MS4A12: variants seen among roughly 807,000 people sequenced by gnomAD.
The protein encoded by MS4A12 is membrane-spanning 4-domains subfamily A member 12.
MS4A12 carries 28 observed loss-of-function variants against 23.7 expected under a neutral mutation model. The observed-to-expected ratio is 1.18, with a 90% CI of 0.88 to 1.62. The LOEUF (loss-of-function observed/expected upper bound fraction) is 1.62. Ranked by LOEUF, MS4A12 falls within the 40% of genes most tolerant of loss-of-function variation. The pLI is 0.00. For synonymous variants in MS4A12, 108 were observed against 110.1 expected, an observed-to-expected ratio of 0.98 and a Z score of 0.12; for missense variants, 342 against 327.0, an observed-to-expected ratio of 1.05 and a Z score of -0.35.
intron 1 of MS4A12, among the ~76,000 whole-genome samples, chr11:60,495,345 T>G (rs539204142): frequency 2.0e-5 from 3 of 151,510 alleles, no homozygotes; most frequent in Middle Eastern, 6.8e-3. Context: ...CCCTTTTCAT[T>G]GAGTTTTCAA....
At chr11:60,502,186 T>C in intron 4 of MS4A12, 147 bp downstream of exon 4, 1 of 762,408 alleles carries the variant, frequency 1.3e-6, no homozygotes, top group Non-Finnish European at 2.2e-6. Flanking sequence ...GTCTGAGCGC[T>C]GGGGTGAGAA....
intron 1 of MS4A12, among the ~76,000 whole-genome samples, chr11:60,496,565 G>A (rs1027669532): frequency 2.0e-5 from 3 of 152,106 alleles, no homozygotes; most frequent in African/African-American, 7.2e-5. Flanking sequence ...CCAATTACTG[G>A]CAAACAATTT....
chr11:60,501,432 C>G (rs747877634), intron 3 of MS4A12, among the ~76,000 whole-genome samples: 16 of 152,134 alleles, frequency 1.1e-4, no homozygotes, highest in East Asian at 1.9e-4. Context: ...TTATTCCATT[C>G]TTTAAAATTT....
Position 60,502,052 on chromosome 11 carries a change from G to A in MS4A12, c.471+13G>A. The A allele has an allele frequency of 6.2e-7, 1 of 1,602,320 alleles. No individual in the cohort carries two copies. The highest frequency in any genetic ancestry group is 8.6e-7 in the Non-Finnish European group (1 of 1,169,580). On this transcript the variant is annotated intron_variant, in intron 4 of 6. Transcript: ENST00000016913. Reference sequence around the variant, plus strand: ...TTCCCGTTGTCTGGTAAGTTAGACTGTCTCTACTTTTTGAACCCCTTTAAA... The same window carrying A: ...TTCCCGTTGTCTGGTAAGTTAGACTATCTCTACTTTTTGAACCCCTTTAAA...
intron 1 of MS4A12, among the ~76,000 whole-genome samples, chr11:60,495,230 C>T (rs2086479545): frequency 6.6e-6 from 1 of 151,628 alleles, no homozygotes; most frequent in African/African-American, 2.4e-5. Context: ...TCTCGATCTC[C>T]TGACCTCGGG....
At chr11:60,498,606 C>CG (rs1282715642) in intron 2 of MS4A12, among the ~76,000 whole-genome samples, 4 of 152,122 alleles carry the variant, frequency 2.6e-5, no homozygotes, top group African/African-American at 9.7e-5. Flanking sequence ...ACAGAACTTA[C>CG]GCCCTAGAGG....
At chr11:60,504,064 A>G (rs1180465646) in intron 5 of MS4A12, among the ~76,000 whole-genome samples, 2 of 152,168 alleles carry the variant, frequency 1.3e-5, no homozygotes, top group African/African-American at 2.4e-5. Context: ...AACAATGGGG[A>G]AGGGTTTGGA....
At position 60,501,050 on chromosome 11, in the gene MS4A12, C is replaced by G. The variant is rs781773125; in HGVS notation, c.282C>G (p.Ile94Met). Residue 94 changes from isoleucine to methionine, a missense_variant, in exon 3 of 7, where the codon ATC becomes ATG. Coordinates refer to ENST00000016913, the MANE Select transcript of MS4A12 (RefSeq NM_017716.3). The part of the protein sequence containing the change: ...FKEEAKALGV[I>M]QIMVGLMHIG... The stretch of plus-strand genomic sequence containing the variant: ...TGGCTGTTTTCTTTTTTCAGGTGAT[C>G]CAGATCATGGTTGGATTGATGCACA... 1.9e-6 allele frequency: 3 copies of G among 1,595,354 alleles called. No homozygotes were observed. In the South Asian group the frequency reaches 3.4e-5, roughly 18 times the overall value.
intron 5 of MS4A12, among the ~76,000 whole-genome samples, chr11:60,505,424 G>A (rs2086562889): frequency 6.6e-6 from 1 of 151,906 alleles, no homozygotes; most frequent in Admixed American, 6.6e-5. Context: ...GTATCAGGAG[G>A]CAAAAATAGA....
chr11:60,507,114 C>A lies in MS4A12; in HGVS notation c.794C>A (p.Ala265Asp), dbSNP rs766347364. ...AGATGCAACAACTACTCAGCTAATG[C>A]CCCTAAATAGTAAAAGAAAAAGGGG... ...PPRCNNYSAN[A>D]PK The change falls in exon 7 of 7, where the codon GCC becomes GAC. Residue 265 changes from alanine (A) to aspartate (D), a missense_variant. Ala to Asp is a moderately radical substitution (Grantham distance 126). Coordinates refer to ENST00000016913, the MANE Select transcript of MS4A12 (RefSeq NM_017716.3). 2.0e-5 allele frequency: 32 copies of A among 1,610,586 alleles called. No individual in the cohort carries two copies. In the East Asian group the frequency reaches 6.9e-4, roughly 35 times the overall value.
At chr11:60,506,860 T>C (rs768899463) in intron 6 of MS4A12, 22 bp downstream of exon 6, 21 of 1,595,198 alleles carry the variant, frequency 1.3e-5, no homozygotes, top group Non-Finnish European at 1.8e-5. Context: ...CTCTTCTTTG[T>C]AAAATAATCT....
intron 3 of MS4A12, 29 bp downstream of exon 3, chr11:60,501,211 T>C (rs776600600): frequency 3.2e-6 from 5 of 1,566,186 alleles, no homozygotes; most frequent in Non-Finnish European, 4.3e-6. Flanking sequence ...CACCAGTCCT[T>C]CTTGGTTTAT....
At chr11:60,501,273 A>G (rs2086528659) in intron 3 of MS4A12, 91 bp downstream of exon 3, 4 of 1,330,818 alleles carry the variant, frequency 3.0e-6, no homozygotes, top group African/African-American at 1.5e-5. Context: ...CCAATTCACA[A>G]CTCATTTCTT....
chr11:60,496,494 G>A (rs1355565603), intron 1 of MS4A12, among the ~76,000 whole-genome samples: 1 of 152,044 alleles, frequency 6.6e-6, no homozygotes, highest in South Asian at 2.1e-4. Flanking sequence ...ATGAATAAAA[G>A]CATTTTTCCT....
rs761679169 is a variant in MS4A12 at position 60,501,160 on chromosome 11, A to C, written c.392A>C (p.Tyr131Ser). The C allele has an allele frequency of 6.2e-7, 1 of 1,611,642 alleles. No individual in the cohort carries two copies. Among genetic ancestry groups the C allele is most frequent in the Non-Finnish European group, 8.5e-7 (1 of 1,179,256 alleles). Residue 131 changes from tyrosine (Y) to serine (S), a missense_variant, in exon 3 of 7, where the codon TAC becomes TCC. Physicochemically the swap from Tyr to Ser is moderately radical, Grantham distance 144. Coordinates refer to ENST00000016913, the MANE Select transcript of MS4A12 (RefSeq NM_017716.3). ...GFASTAVIGG[Y>S]PFWGGLSFII... Reference sequence around the variant, plus strand: ...GCCTCTACTGCTGTTATTGGTGGATACCCATTCTGGGGTGGCCTTTCTGTG... The same window carrying C: ...GCCTCTACTGCTGTTATTGGTGGATCCCCATTCTGGGGTGGCCTTTCTGTG...
intron 1 of MS4A12, 27 bp downstream of exon 1, chr11:60,492,855 A>G (rs1348949099): frequency 6.6e-6 from 1 of 152,216 alleles, no homozygotes; most frequent in Non-Finnish European, 1.5e-5. Context: ...GTTCTTGCCT[A>G]TCTCTCCTCC....
In MS4A12 at chr11:60,503,785, A is replaced by T; in HGVS notation, c.556A>T (p.Asn186Tyr). Residue 186 changes from asparagine (N) to tyrosine (Y), a missense_variant, in exon 5 of 7, where the codon AAT becomes TAT. Coordinates refer to ENST00000016913, the MANE Select transcript of MS4A12 (RefSeq NM_017716.3). ...VILLLVDMCI[N>Y]GVAGQDYWAV... is the part of the protein sequence containing the mutation. ...TCTGCTGCTGGTGGATATGTGCATC[A>T]ATGGGGTAGCTGGCCAAGACTACTG... The T allele has an allele frequency of 6.2e-7, 1 of 1,613,954 alleles. No individual in the cohort carries two copies. Among genetic ancestry groups the T allele is most frequent in the Non-Finnish European group, 8.5e-7 (1 of 1,179,866 alleles).
At chr11:60,501,672 G>C (rs978964226) in intron 3 of MS4A12, among the ~76,000 whole-genome samples, 1 of 152,082 alleles carries the variant, frequency 6.6e-6, no homozygotes. Context: ...AATATAGTGA[G>C]ACTCAATCTC....
At chr11:60,498,806 G>A (rs1052827195) in intron 2 of MS4A12, among the ~76,000 whole-genome samples, 5 of 152,208 alleles carry the variant, frequency 3.3e-5, no homozygotes, top group African/African-American at 1.2e-4. Context: ...CTGAAGTTAG[G>A]AGTGAGCCCT....
Sources: gnomAD v4.1 joint callset for allele counts (sites outside exome capture counted in the v4.1 genomes callset) on GRCh38, gnomAD v4.1.1 for gene constraint, MANE v1.5 for transcripts, NCBI Gene and HGNC (gene_info 2026-07-23, HGNC 2026-07-21) for gene names.